The following ABCC1 variants were observed in gnomAD, a reference collection of about 807,000 sequenced individuals.
ABCC1 encodes multidrug resistance-associated protein 1.
In ABCC1, 83 loss-of-function variants were observed where a neutral mutation model predicts 172.9. The ratio of observed to expected loss-of-function variants is 0.48; its 90% CI spans 0.40 to 0.58. The LOEUF (loss-of-function observed/expected upper bound fraction) is 0.58. Among genes scored for constraint, ABCC1 ranks in the 20% least tolerant of loss-of-function variants. ABCC1 has a pLI of 0.00. For synonymous variants in ABCC1, 937 were observed against 825.2 expected, an observed-to-expected ratio of 1.14 and a Z score of -2.32; for missense variants, 1,817 against 2,002.7, an observed-to-expected ratio of 0.91 and a Z score of 1.77.
chr16:16,010,729 A>G (rs1025057231), intron 3 of ABCC1, among the ~76,000 whole-genome samples: 2 of 152,190 alleles, frequency 1.3e-5, no homozygotes, highest in African/African-American at 4.8e-5. Flanking sequence ...AATTTTCACA[A>G]CAACCCTGTG....
At chr16:16,137,083 C>T (rs935499189) in intron 29 of ABCC1, among the ~76,000 whole-genome samples, 1 of 152,202 alleles carries the variant, frequency 6.6e-6, no homozygotes, top group African/African-American at 2.4e-5. Context: ...CCTCTGGGGT[C>T]CTGCTTTGGT....
chr16:16,121,978 T>G lies in ABCC1; in HGVS notation c.3394T>G (p.Phe1132Val). ...CCGCGTCTGTTCTCTACCCCAGAGG[T>G]TCTACGTGGCTTCCTCCCGGCAGCT... Reference protein sequence around the residue: ...LGLIYFFVQRFYVASSRQLKR... With the variant: ...LGLIYFFVQRVYVASSRQLKR... The change falls in exon 24 of 31, where the codon TTC (phenylalanine) becomes GTC (valine). Residue 1132 changes from phenylalanine to valine, a missense_variant. By Grantham distance (50) the Phe-to-Val change is conservative. Transcript: ENST00000399410. 2 of 1,614,010 alleles carry G rather than the reference T, an allele frequency of 1.2e-6. No homozygotes were observed. Among genetic ancestry groups the G allele is most frequent in the Non-Finnish European group, 1.7e-6 (2 of 1,179,984 alleles).
intron 1 of ABCC1, among the ~76,000 whole-genome samples, chr16:15,956,735 CTATTTAT>C (rs2046006554): frequency 6.6e-6 from 1 of 152,042 alleles, no homozygotes; most frequent in East Asian, 1.9e-4. Flanking sequence ...GAGATTTTTA[CTATTTAT>C]TAAGTGGAAG....
chr16:16,113,465 G>A lies in ABCC1; in HGVS notation c.3080-1301G>A, dbSNP rs530914729. Among the ~76,000 whole-genome samples, 7 of 152,262 alleles carry A rather than the reference G, an allele frequency of 4.6e-5. No homozygotes were observed. In the South Asian group the frequency reaches 1.5e-3, roughly 32 times the overall value. On this transcript the variant is annotated intron_variant, in intron 22 of 30. Transcript: ENST00000399410. The stretch of plus-strand genomic sequence containing the variant: ...AATCCAGGGGTTCAAGACCAGCCTG[G>A]GCAGCATGGCAAAACCCTGTTTCTA...
At chr16:16,009,695 C>G (rs112120561) in intron 2 of ABCC1, 81 bp from the exon 3 acceptor site, 8 of 1,416,622 alleles carry the variant, frequency 5.6e-6, no homozygotes, top group Non-Finnish European at 7.5e-6. Context: ...TCTCCTATCC[C>G]TGGGGCTGAG....
intron 15 of ABCC1, among the ~76,000 whole-genome samples, chr16:16,078,916 A>G (rs1481418441): frequency 6.6e-6 from 1 of 152,094 alleles, no homozygotes; most frequent in African/African-American, 2.4e-5. Flanking sequence ...TGACCTCGTG[A>G]TCCGCCTGCG....
At chr16:16,020,886 C>T (rs1019622569) in intron 5 of ABCC1, among the ~76,000 whole-genome samples, 1 of 152,160 alleles carries the variant, frequency 6.6e-6, no homozygotes, top group African/African-American at 2.4e-5. Context: ...CAATCGCAGA[C>T]ATAAGTGCCT....
chr16:16,108,355 C>T (rs1384769572), intron 21 of ABCC1, among the ~76,000 whole-genome samples: 1 of 150,196 alleles, frequency 6.7e-6, no homozygotes, highest in African/African-American at 2.4e-5. Flanking sequence ...ACCGCAACCT[C>T]CGCCTCCCGG....
At chr16:16,005,730 G>A (rs1223370354) in intron 1 of ABCC1, among the ~76,000 whole-genome samples, 2 of 152,194 alleles carry the variant, frequency 1.3e-5, no homozygotes, top group Admixed American at 1.3e-4. Flanking sequence ...ACTGAGGTTG[G>A]CAGATCACCT....
At chr16:16,105,773 C>G (rs1052727242) in intron 20 of ABCC1, among the ~76,000 whole-genome samples, 1 of 145,468 alleles carries the variant, frequency 6.9e-6, no homozygotes. Flanking sequence ...GTGCAGTGTG[C>G]AGTGGCGCGA....
intron 17 of ABCC1, among the ~76,000 whole-genome samples, chr16:16,085,633 T>C (rs2071592086): frequency 6.6e-6 from 1 of 152,066 alleles, no homozygotes; most frequent in Non-Finnish European, 1.5e-5. Context: ...TACAAAAAGT[T>C]GCCAGGCATG....
chr16:16,044,698 C>A lies in ABCC1; in HGVS notation c.1040+18C>A, dbSNP rs1196036879. On this transcript the variant is annotated intron_variant, in intron 8 of 30. Transcript: ENST00000399410. ...ATCTTAAAGTAAGACCCCTTCCCTC[C>A]CAGGTGGGCTCCATTTTCCCTCCTT... 1 of 1,604,940 alleles carries A rather than the reference C, an allele frequency of 6.2e-7. No homozygotes were observed. The highest frequency in any genetic ancestry group is 1.3e-5 in the African/African-American group (1 of 74,800).
chr16:16,060,180 G>A (rs374358242), intron 12 of ABCC1, among the ~76,000 whole-genome samples: 4 of 151,520 alleles, frequency 2.6e-5, no homozygotes, highest in Admixed American at 6.6e-5. Flanking sequence ...CCCCAAAGCT[G>A]GTCATCTCAC....
intron 26 of ABCC1, among the ~76,000 whole-genome samples, chr16:16,128,187 T>G (rs993903245): frequency 6.6e-6 from 1 of 151,928 alleles, no homozygotes; most frequent in African/African-American, 2.4e-5. Context: ...AATTCAGTTT[T>G]TTTTTTGTTT....
chr16:16,006,193 AC>A (rs1338236650), intron 1 of ABCC1, among the ~76,000 whole-genome samples: 1 of 152,082 alleles, frequency 6.6e-6, no homozygotes, highest in Non-Finnish European at 1.5e-5. Flanking sequence ...GGAAATTGAG[AC>A]CCCAAAAAGG....
chr16:16,055,522 C>T (rs2049610166), intron 11 of ABCC1, among the ~76,000 whole-genome samples: 1 of 151,438 alleles, frequency 6.6e-6, no homozygotes, highest in South Asian at 2.1e-4. Flanking sequence ...TGCACTCCAG[C>T]CTGGGCAAGA....
rs768037858 is a variant in ABCC1, at chr16:16,007,942, C to T, written c.175C>T (p.Arg59Ter). The change falls in exon 2 of 31, where the codon CGA (arginine) becomes TGA (stop). Residue 59 changes from arginine (R) to a stop codon, truncating the protein, a stop_gained. Transcript: ENST00000399410. LOFTEE classifies it high-confidence loss of function. ...CCCCTTCTACTTCCTCTATCTCTCC[C>T]GACATGACCGAGGCTACATTCAGAT... Reference protein sequence around the residue: ...CFPFYFLYLSRHDRGYIQMTP... With the variant: ...CFPFYFLYLS 1.3e-5 allele frequency: 21 copies of T among 1,609,352 alleles called. No individual in the cohort carries two copies. The highest frequency in any genetic ancestry group is 6.8e-6 in the Non-Finnish European group (8 of 1,178,786).
intron 1 of ABCC1, among the ~76,000 whole-genome samples, chr16:15,990,538 T>C (rs1228775251): frequency 6.6e-6 from 1 of 152,198 alleles, no homozygotes; most frequent in African/African-American, 2.4e-5. Context: ...AGTTTGTCTT[T>C]TTTAGATGTC....
chr16:16,059,634 G>A (rs936857128), intron 12 of ABCC1, among the ~76,000 whole-genome samples: 10 of 151,954 alleles, frequency 6.6e-5, no homozygotes, highest in Non-Finnish European at 1.2e-4. Flanking sequence ...GTGAAACCCC[G>A]TCTATACTAA....
Sources: allele counts gnomAD v4.1 joint callset (sites outside exome capture counted in the v4.1 genomes callset), GRCh38; gene constraint gnomAD v4.1.1; transcripts MANE v1.5; gene names NCBI Gene and HGNC (gene_info 2026-07-23, HGNC 2026-07-21).